SP100: variants seen among roughly 807,000 people sequenced by gnomAD.
SP100 encodes nuclear autoantigen Sp-100.
A neutral mutation model predicts 130.0 loss-of-function variants in SP100; 84 were observed. The ratio of observed to expected loss-of-function variants is 0.65; its 90% CI spans 0.54 to 0.77. The LOEUF (loss-of-function observed/expected upper bound fraction) is 0.77, where lower values mean the gene tolerates loss of function less well. SP100 is among the 30% of genes least tolerant of loss of function. SP100 has a pLI of 0.00. For missense variants in SP100, 978 were observed against 1,052.2 expected, an observed-to-expected ratio of 0.93 and a Z score of 0.97; for synonymous variants, 331 against 351.7, an observed-to-expected ratio of 0.94 and a Z score of 0.66.
Position 230,461,392 on chromosome 2 carries a change from T to G in SP100, c.951T>G (p.His317Gln), listed in dbSNP as rs543549365. ...GCCAAGCCCAAGCAAGAACTCATCA[T>G]AACCAGGCATCTGACATAATAGGTA... ...VECQAQARTH[H>Q]NQASDIIVIS... Residue 317 changes from histidine (H) to glutamine (Q), a missense_variant, in exon 9 of 29, where the codon CAT becomes CAG. His to Gln is a conservative substitution (Grantham distance 24). Coordinates refer to ENST00000340126, the MANE Select transcript of SP100 (RefSeq NM_001080391.2). 1.3e-5 allele frequency: 21 copies of G among 1,614,150 alleles called. No homozygotes were observed. The South Asian group carries it at 2.0e-4, about 15-fold the overall frequency.
At chr2:230,507,893 G>T in intron 22 of SP100, 100 bp from the exon 23 acceptor site, 1 of 969,664 alleles carries the variant, frequency 1.0e-6, no homozygotes. Context: ...AGTTAATAGT[G>T]GGATATCCAG....
At chr2:230,440,039 A>T (rs2063421238) in intron 2 of SP100, among the ~76,000 whole-genome samples, 1 of 152,186 alleles carries the variant, frequency 6.6e-6, no homozygotes, top group African/African-American at 2.4e-5. Context: ...ACGCAGGAAT[A>T]TGTATAAAGG....
At position 230,494,457 on chromosome 2, in the gene SP100, AG is replaced by A. The variant is rs768242811; in HGVS notation, c.1643del (p.Arg548LysfsTer12). On this transcript the variant is annotated frameshift_variant and splice_region_variant, in exon 18 of 29. Transcript: ENST00000340126. LOFTEE classifies it high-confidence loss of function. ...RHRSKVNGLQ[R>X]GRKKDRPRKH... ...TAGATCTAAAGTAAATGGTCTCCAA[AG>A]AGGTAAGAAGAAATGTGGGGATTTA... 1 of 1,606,008 alleles carries A rather than the reference AG, an allele frequency of 6.2e-7. No homozygotes were observed. The highest frequency in any genetic ancestry group is 1.7e-5 in the Admixed American group (1 of 59,978).
chr2:230,435,055 A>G (rs531406276), intron 2 of SP100, among the ~76,000 whole-genome samples: 6 of 152,188 alleles, frequency 3.9e-5, no homozygotes, highest in Non-Finnish European at 7.4e-5. Context: ...GTCAGTCTGT[A>G]GTATATCTTA....
chr2:230,446,899 C>T lies in SP100; in HGVS notation c.520C>T (p.Gln174Ter). The change falls in exon 5 of 29, where the codon CAA (glutamine) becomes TAA (stop). Residue 174 changes from glutamine to a stop codon, truncating the protein, a stop_gained. Coordinates refer to ENST00000340126, the MANE Select transcript of SP100 (RefSeq NM_001080391.2). LOFTEE classifies it high-confidence loss of function. The part of the protein sequence containing the change: ...ERSGLQLSLE[Q>*]GTGENSFRSL... The stretch of plus-strand genomic sequence containing the variant: ...GTCTGGCCTCCAACTAAGTCTTGAA[C>T]AAGGTAAAAATGACAGAATAAAAGC... The T allele has an allele frequency of 6.3e-7, 1 of 1,598,676 alleles. No individual in the cohort carries two copies. Among genetic ancestry groups the T allele is most frequent in the Non-Finnish European group, 8.6e-7 (1 of 1,167,412 alleles).
In SP100 at chr2:230,520,183, C is replaced by T. The variant is rs116592924; in HGVS notation, c.2094+9017C>T. Among the ~76,000 whole-genome samples, 366 of 152,238 alleles carry T rather than the reference C, an allele frequency of 2.4e-3. 1 individual carries two copies. Among genetic ancestry groups the T allele is most frequent in the African/African-American group, 7.6e-3 (315 of 41,554 alleles). On this transcript the variant is annotated intron_variant, in intron 24 of 28. Transcript: ENST00000340126. ...GTTTTTATGAAGCTTGCCAGCTGAG[C>T]GAAAAGTTAACAGTGTGGGGATTTT...
chr2:230,485,933 T>C (rs1232451874), intron 17 of SP100, among the ~76,000 whole-genome samples: 1 of 152,218 alleles, frequency 6.6e-6, no homozygotes, highest in Non-Finnish European at 1.5e-5. Context: ...TGTGCATGTG[T>C]GTACTTCTGA....
chr2:230,471,376 C>T (rs1039984247), intron 15 of SP100, among the ~76,000 whole-genome samples: 2 of 152,122 alleles, frequency 1.3e-5, no homozygotes, highest in Non-Finnish European at 1.5e-5. Context: ...TTCAGCATGA[C>T]CACATTGAGA....
At chr2:230,465,095 G>T (rs967697473) in intron 11 of SP100, among the ~76,000 whole-genome samples, 1 of 152,184 alleles carries the variant, frequency 6.6e-6, no homozygotes, top group African/African-American at 2.4e-5. Context: ...AATTAGCCAG[G>T]CATGGTGGCG....
At chr2:230,507,071 A>T (rs1401065034) in intron 22 of SP100, 1 of 151,818 alleles carries the variant, frequency 6.6e-6, no homozygotes, top group East Asian at 1.9e-4. Context: ...GTCCTTCCTC[A>T]TGCCACTCTA....
At chr2:230,463,566 A>T (rs548880821) in intron 10 of SP100, 1 of 152,474 alleles carries the variant, frequency 6.6e-6, no homozygotes, top group East Asian at 1.9e-4. Flanking sequence ...GTAAATTTGC[A>T]TTAGTTTTTA....
At chr2:230,506,224 G>A in intron 21 of SP100, 79 bp from the exon 22 acceptor site, 1 of 1,515,014 alleles carries the variant, frequency 6.6e-7, no homozygotes, top group Non-Finnish European at 9.0e-7. Flanking sequence ...AAAGTGGGTG[G>A]CCCCAGACCC....
chr2:230,464,023 G>A (rs1268309708), intron 10 of SP100, 44 bp from the exon 11 acceptor site: 5 of 1,300,100 alleles, frequency 3.8e-6, no homozygotes, highest in Non-Finnish European at 5.6e-6. Flanking sequence ...CTGATTCCTT[G>A]GTCACACACT....
chr2:230,452,986 G>C (rs530560171), intron 8 of SP100, among the ~76,000 whole-genome samples: 1 of 152,166 alleles, frequency 6.6e-6, no homozygotes, highest in Non-Finnish European at 1.5e-5. Context: ...ATGTTGAATA[G>C]AAGTGAGAAT....
At chr2:230,432,818 T>G (rs1415201597) in intron 2 of SP100, among the ~76,000 whole-genome samples, 1 of 152,196 alleles carries the variant, frequency 6.6e-6, no homozygotes, top group Admixed American at 6.5e-5. Context: ...TATGGTATAT[T>G]TGAGGCACAA....
At chr2:230,433,425 A>G (rs1420291238) in intron 2 of SP100, among the ~76,000 whole-genome samples, 1 of 152,180 alleles carries the variant, frequency 6.6e-6, no homozygotes, top group Admixed American at 6.5e-5. Flanking sequence ...ATCACAAAGT[A>G]TAAGTCTTCC....
At chr2:230,503,841 A>T (rs954694085) in intron 20 of SP100, among the ~76,000 whole-genome samples, 1 of 152,138 alleles carries the variant, frequency 6.6e-6, no homozygotes, top group Non-Finnish European at 1.5e-5. Context: ...AAAATTTGAG[A>T]GTTTGTTTTA....
intron 2 of SP100, among the ~76,000 whole-genome samples, chr2:230,436,056 A>G (rs1179963690): frequency 6.6e-6 from 1 of 151,982 alleles, no homozygotes; most frequent in Non-Finnish European, 1.5e-5. Flanking sequence ...CTATACTTAC[A>G]TAATAATTTC....
chr2:230,541,074 A>G (rs1025696166), intron 26 of SP100, 78 bp downstream of exon 26: 2 of 1,525,936 alleles, frequency 1.3e-6, no homozygotes, highest in Non-Finnish European at 1.8e-6. Flanking sequence ...CAAAGTGCTC[A>G]AGGAATGGAG....
Sources: allele counts gnomAD v4.1 joint callset (sites outside exome capture counted in the v4.1 genomes callset), GRCh38; gene constraint gnomAD v4.1.1; transcripts MANE v1.5; gene names NCBI Gene and HGNC (gene_info 2026-07-23, HGNC 2026-07-21).